The following AP1M2 variants were observed in gnomAD, a reference collection of about 807,000 sequenced individuals.
The protein encoded by AP1M2 is AP-1 complex subunit mu-2.
In AP1M2, 41 loss-of-function variants were observed where a neutral mutation model predicts 54.6. The observed-to-expected ratio is 0.75, with a 90% CI of 0.59 to 0.97. The LOEUF (loss-of-function observed/expected upper bound fraction) is 0.97, where lower values mean the gene tolerates loss of function less well. Ranked by LOEUF, AP1M2 falls within the 50% of genes least tolerant of loss-of-function variation. The pLI, the probability that AP1M2 is intolerant of heterozygous loss-of-function variation, is 0.00. For missense variants in AP1M2, 507 were observed against 561.2 expected, an observed-to-expected ratio of 0.90 and a Z score of 0.98; for synonymous variants, 219 against 215.9, an observed-to-expected ratio of 1.01 and a Z score of -0.13.
chr19:10,582,146 C>T (rs534765938), intron 3 of AP1M2, among the ~76,000 whole-genome samples: 2 of 152,050 alleles, frequency 1.3e-5, no homozygotes, highest in East Asian at 3.9e-4. Context: ...GGGGTTCAAG[C>T]GATTCTCCTG....
At chr19:10,575,230 C>A (rs1028727080) in intron 9 of AP1M2, among the ~76,000 whole-genome samples, 1 of 152,058 alleles carries the variant, frequency 6.6e-6, no homozygotes, top group African/African-American at 2.4e-5. Context: ...AACATGCCTG[C>A]AGTTTCAGCT....
chr19:10,578,641 T>C (rs1917326311), intron 8 of AP1M2, among the ~76,000 whole-genome samples: 1 of 151,898 alleles, frequency 6.6e-6, no homozygotes, highest in Admixed American at 6.6e-5. Context: ...AACCTCCTCC[T>C]CCTGGACTCA....
chr19:10,578,692 C>T (rs1481802208), intron 8 of AP1M2, among the ~76,000 whole-genome samples, 200 bp downstream of exon 8: 1 of 152,022 alleles, frequency 6.6e-6, no homozygotes, highest in African/African-American at 2.4e-5. Flanking sequence ...ACTGGCACTA[C>T]AGGCACTCAC....
At chr19:10,576,258 A>ATTTTT (rs34667196) in intron 9 of AP1M2, among the ~76,000 whole-genome samples, 6 of 82,550 alleles carry the variant, frequency 7.3e-5, no homozygotes, top group African/African-American at 3.0e-4. Context: ...TGCCCGGCTA[A>ATTTTT]TTTTTTTTTT....
At chr19:10,582,097 G>T (rs1214483534) in intron 3 of AP1M2, among the ~76,000 whole-genome samples, 1 of 151,802 alleles carries the variant, frequency 6.6e-6, no homozygotes, top group Admixed American at 6.6e-5. Flanking sequence ...AGGCTGGAGT[G>T]CAGTGGCACT....
At position 10,577,291 on chromosome 19, in the gene AP1M2, G is replaced by A. The variant is rs1282728172; in HGVS notation, c.954C>T (p.Ser318=). ...NGVEISVPVP[S]DADSPRFKTS... ...TCTTGAATCTGGGGGAGTCGGCATCGCTGGGTACAGGCACAGATATCTCCA... is the reference window on the plus strand; with the variant it reads ...TCTTGAATCTGGGGGAGTCGGCATCACTGGGTACAGGCACAGATATCTCCA... Residue 318 remains serine (S), a synonymous_variant, in exon 9 of 12, where the codon AGC becomes AGT. Coordinates refer to ENST00000250244, the MANE Select transcript of AP1M2 (RefSeq NM_005498.5). 5 of 1,612,138 alleles carry A rather than the reference G, an allele frequency of 3.1e-6. No individual in the cohort carries two copies. The highest frequency in any genetic ancestry group is 3.3e-5 in the Admixed American group (2 of 59,756).
In AP1M2 at chr19:10,574,488, C is replaced by T. The variant is rs781309645; in HGVS notation, c.1178G>A (p.Arg393Gln). The change falls in exon 11 of 12, where the codon CGA becomes CAA. Residue 393 changes from arginine to glutamine, a missense_variant. Transcript: ENST00000250244. Reference protein sequence around the residue: ...PYFTVSGIQVRYMKIIEKSGY... With the variant: ...PYFTVSGIQVQYMKIIEKSGY... ...ACTTTTCTCAATGATCTTCATGTAT[C>T]GGACCTGGAAGGGAATGAAAAGAGG... 3 of 1,563,066 alleles carry T rather than the reference C, an allele frequency of 1.9e-6. No homozygotes were observed. The highest frequency in any genetic ancestry group is 2.4e-5 in the South Asian group (2 of 84,698).
chr19:10,579,013 T>TTA, intron 7 of AP1M2, 50 bp from the exon 8 acceptor site: 36 of 1,188,300 alleles, frequency 3.0e-5, no homozygotes, highest in Non-Finnish European at 3.9e-5. Context: ...GTTGACTCTC[T>TTA]TCTTTTTTTT....
chr19:10,583,816 G>A, intron 2 of AP1M2, 98 bp downstream of exon 2: 1 of 1,500,098 alleles, frequency 6.7e-7, no homozygotes, highest in Non-Finnish European at 9.0e-7. Flanking sequence ...GATGTGCGGT[G>A]CAACTCCTGT....
rs751415395 is a variant in AP1M2 at position 10,581,482 on chromosome 19, C to T, written c.546+5G>A. ...AAGGGGTGCCGGGGAGGTGTGCAGGCTCACCAGCAGGTTGACAGACTCTAT... is the reference window on the plus strand; with the variant it reads ...AAGGGGTGCCGGGGAGGTGTGCAGGTTCACCAGCAGGTTGACAGACTCTAT... On this transcript the variant is annotated splice_donor_5th_base_variant and intron_variant, in intron 5 of 11. Transcript: ENST00000250244. The T allele has an allele frequency of 3.1e-6, 5 of 1,613,668 alleles. No individual in the cohort carries two copies. The East Asian group carries it at 1.1e-4, about 36-fold the overall frequency.
chr19:10,583,509 G>A, intron 3 of AP1M2, 97 bp downstream of exon 3: 2 of 960,306 alleles, frequency 2.1e-6, no homozygotes, highest in South Asian at 1.8e-5. Flanking sequence ...GGAGATCTGG[G>A]AAGGCTTCCT....
At chr19:10,577,134 G>C in intron 9 of AP1M2, 64 bp downstream of exon 9, 1 of 1,533,744 alleles carries the variant, frequency 6.5e-7, no homozygotes, top group Non-Finnish European at 8.8e-7. Context: ...ATGGCTCCTG[G>C]GCAGCCCCCA....
chr19:10,581,550 G>A lies in AP1M2; in HGVS notation c.483C>T (p.Ser161=), dbSNP rs373528455. 27 of 1,613,708 alleles carry A rather than the reference G, an allele frequency of 1.7e-5. No individual in the cohort carries two copies. The highest frequency in any genetic ancestry group is 1.1e-4 in the African/African-American group (8 of 74,900). ...PTVTNAVSWR[S]EGIKYKKNEV... is the part of the protein sequence containing the mutation. ...CGTTCTTCTTATACTTGATACCCTC[G>A]GAGCGCCAGGACACAGCGTTGGTGA... The change falls in exon 5 of 12, where the codon TCC becomes TCT. Residue 161 remains serine, a synonymous_variant. Coordinates refer to ENST00000250244, the MANE Select transcript of AP1M2 (RefSeq NM_005498.5).
At chr19:10,582,978 A>C (rs1599553272) in intron 3 of AP1M2, among the ~76,000 whole-genome samples, 1 of 151,468 alleles carries the variant, frequency 6.6e-6, no homozygotes, top group South Asian at 2.1e-4. Context: ...GGCAGGTGCC[A>C]CCATACCCGG....
In AP1M2 at chr19:10,572,989, G is replaced by A. The variant is rs1242144336; in HGVS notation, c.*77C>T. 5 of 1,468,712 alleles carry A rather than the reference G, an allele frequency of 3.4e-6. 1 individual carries two copies. In the South Asian group the frequency reaches 3.6e-5, roughly 11 times the overall value. The allele number at this position is 1,468,712 out of a possible 1,614,324, so 91.0% of individuals were successfully genotyped here. On this transcript the variant is annotated 3_prime_UTR_variant, in exon 12 of 12. Transcript: ENST00000250244. Reference sequence around the variant, plus strand: ...GCCCTCACACAGACACACACAGCCCGCACCTGCCCTCCCTCTAAAATCTGC... The same window carrying A: ...GCCCTCACACAGACACACACAGCCCACACCTGCCCTCCCTCTAAAATCTGC...
chr19:10,583,881 C>A (rs757171280), intron 2 of AP1M2, 33 bp downstream of exon 2: 1 of 1,572,000 alleles, frequency 6.4e-7, no homozygotes, highest in East Asian at 2.3e-5. Flanking sequence ...AGCCCCCACA[C>A]CCACCTCCAG....
In AP1M2 at chr19:10,579,868, A is replaced by G. The variant is rs754185906; in HGVS notation, c.674-10T>C. 1.2e-5 allele frequency: 19 copies of G among 1,575,044 alleles called. No individual in the cohort carries two copies. The highest frequency in any genetic ancestry group is 1.6e-5 in the Non-Finnish European group (19 of 1,157,042). On this transcript the variant is annotated splice_polypyrimidine_tract_variant and intron_variant, in intron 6 of 11. Coordinates refer to ENST00000250244, the MANE Select transcript of AP1M2 (RefSeq NM_005498.5). ...GATTTGTTCTTGCTGCCTGAAACTC[A>G]GAGTGGAGAGTGGAGAGTGACCCTG...
In AP1M2 at chr19:10,587,269, G is replaced by A; in HGVS notation, c.-38C>T. Reference sequence around the variant, plus strand: ...AGGACTTAGGAGTCGGGGAGGGAGCGCCGGGAGGCGATGGCGGCGCCGCTT... The same window carrying A: ...AGGACTTAGGAGTCGGGGAGGGAGCACCGGGAGGCGATGGCGGCGCCGCTT... On this transcript the variant is annotated 5_prime_UTR_variant, in exon 1 of 12. Coordinates refer to ENST00000250244, the MANE Select transcript of AP1M2 (RefSeq NM_005498.5). 1 of 1,556,060 alleles carries A rather than the reference G, an allele frequency of 6.4e-7. No homozygotes were observed. Among genetic ancestry groups the A allele is most frequent in the Non-Finnish European group, 8.7e-7 (1 of 1,149,844 alleles).
At position 10,574,795 on chromosome 19, in the gene AP1M2, G is replaced by C. The variant is rs1401779207; in HGVS notation, c.1173+109C>G. On this transcript the variant is annotated intron_variant, in intron 10 of 11. Coordinates refer to ENST00000250244, the MANE Select transcript of AP1M2 (RefSeq NM_005498.5). ...TCTGGGAAAGACCAGGCAGCCTTCA[G>C]AGGAGTGTTGACACAGGCCAGGGGA... 3 of 1,375,266 alleles carry C rather than the reference G, an allele frequency of 2.2e-6. No individual in the cohort carries two copies. The African/African-American group carries it at 4.4e-5, about 20-fold the overall frequency. 85.2% of individuals were successfully genotyped at this position (1,375,266 alleles called of 1,614,324 possible). A position where few individuals can be genotyped will look rare whatever the true frequency, so the allele number is the denominator to read the frequency against.
Sources: allele counts gnomAD v4.1 joint callset (sites outside exome capture counted in the v4.1 genomes callset), GRCh38; gene constraint gnomAD v4.1.1; transcripts MANE v1.5; gene names NCBI Gene and HGNC (gene_info 2026-07-23, HGNC 2026-07-21).